The following ATP2C1 variants were observed in gnomAD, a reference collection of about 807,000 sequenced individuals.
ATP2C1 encodes ATPase secretory pathway Ca2+ transporting 1.
ATP2C1 carries 31 observed loss-of-function variants against 120.5 expected under a neutral mutation model. The observed-to-expected ratio is 0.26, with a 90% CI of 0.19 to 0.35. The LOEUF (loss-of-function observed/expected upper bound fraction) is 0.35, where lower values mean the gene tolerates loss of function less well. Ranked by LOEUF, ATP2C1 falls within the 10% of genes least tolerant of loss-of-function variation. The pLI, the probability that ATP2C1 is intolerant of heterozygous loss-of-function variation, is 1.00. For synonymous variants in ATP2C1, 351 were observed against 358.7 expected (o/e 0.98, Z 0.24); for missense variants, 731 against 1,107.5 (o/e 0.66, Z 4.83).
At chr3:130,951,515 G>T (rs1408306274) in intron 8 of ATP2C1, among the ~76,000 whole-genome samples, 1 of 152,154 alleles carries the variant, frequency 6.6e-6, no homozygotes, top group African/African-American at 2.4e-5. Flanking sequence ...TATCTTTGAA[G>T]AAGGGCCCAT....
intron 1 of ATP2C1, among the ~76,000 whole-genome samples, chr3:130,880,476 C>T (rs1410702815): frequency 6.6e-6 from 1 of 152,106 alleles, no homozygotes; most frequent in East Asian, 1.9e-4. Context: ...GCATTACCTT[C>T]TATAATCAAG....
At chr3:130,918,251 C>A (rs2058774608) in intron 2 of ATP2C1, 1 of 1,515,116 alleles carries the variant, frequency 6.6e-7, no homozygotes. Flanking sequence ...CTCTCCTTGG[C>A]CATAGCCAAA....
intron 2 of ATP2C1, among the ~76,000 whole-genome samples, chr3:130,928,568 T>C (rs2059318622): frequency 6.6e-6 from 1 of 152,228 alleles, no homozygotes; most frequent in Non-Finnish European, 1.5e-5. Flanking sequence ...TAAACATTAA[T>C]AGGAAATTAT....
intron 19 of ATP2C1, 121 bp from the exon 20 acceptor site, chr3:130,980,461 G>C (rs1397338944): frequency 2.8e-6 from 2 of 713,174 alleles, no homozygotes; most frequent in Non-Finnish European, 5.2e-6. Context: ...AGATAGGTTT[G>C]TATTACTGGT....
At chr3:130,897,530 G>A (rs1316239476) in intron 2 of ATP2C1, among the ~76,000 whole-genome samples, 1 of 152,172 alleles carries the variant, frequency 6.6e-6, no homozygotes, top group African/African-American at 2.4e-5. Context: ...TCCTCCAGTA[G>A]GTATGCAGGT....
intron 8 of ATP2C1, among the ~76,000 whole-genome samples, chr3:130,944,145 C>G (rs116816737): frequency 1.3e-5 from 2 of 152,314 alleles, no homozygotes; most frequent in South Asian, 4.1e-4. Flanking sequence ...AGTTAGTTCT[C>G]TTACAGACTA....
chr3:130,933,524 A>G (rs1008731639), intron 4 of ATP2C1, among the ~76,000 whole-genome samples: 1 of 152,218 alleles, frequency 6.6e-6, no homozygotes, highest in Non-Finnish European at 1.5e-5. Flanking sequence ...AAGGTGACAC[A>G]CAGATGCCAG....
intron 12 of ATP2C1, among the ~76,000 whole-genome samples, chr3:130,961,671 TAAAAG>T (rs1213020241): frequency 2.0e-5 from 3 of 152,176 alleles, no homozygotes; most frequent in South Asian, 2.1e-4. Flanking sequence ...TAAGAAGGTG[TAAAAG>T]AAGTCTAAAG....
chr3:130,851,906 C>A (rs1315211668), intron 1 of ATP2C1, among the ~76,000 whole-genome samples: 1 of 152,194 alleles, frequency 6.6e-6, no homozygotes, highest in Non-Finnish European at 1.5e-5. Context: ...CTTAATAAAA[C>A]ACTTCCAGGA....
intron 1 of ATP2C1, among the ~76,000 whole-genome samples, chr3:130,885,230 A>G (rs1002877088): frequency 3.3e-5 from 5 of 152,064 alleles, no homozygotes; most frequent in African/African-American, 1.2e-4. Context: ...CACCACGCAC[A>G]GCCGGTGAAG....
chr3:130,992,671 C>T (rs1388329246), intron 20 of ATP2C1, among the ~76,000 whole-genome samples: 3 of 152,156 alleles, frequency 2.0e-5, no homozygotes, highest in Non-Finnish European at 4.4e-5. Flanking sequence ...TGGAACATTT[C>T]AAGAATAAGG....
Position 130,937,408 on chromosome 3 carries a change from A to C in ATP2C1, c.325-20A>C. ...TTCTCAAGTTAATGTCTGATTTAAA[A>C]GCCTGTTTCTTTTGTTTAGGCAATA... On this transcript the variant is annotated intron_variant, in intron 5 of 27. Coordinates refer to ENST00000510168, the MANE Select transcript of ATP2C1 (RefSeq NM_001378687.1). 1 of 1,610,054 alleles carries C rather than the reference A, an allele frequency of 6.2e-7. No individual in the cohort carries two copies.
Position 131,001,736 on chromosome 3 carries a change from T to C in ATP2C1, c.*386T>C, listed in dbSNP as rs751530243. 25 of 976,960 alleles carry C rather than the reference T, an allele frequency of 2.6e-5. No homozygotes were observed. Among genetic ancestry groups the C allele is most frequent in the Admixed American group, 1.8e-4 (3 of 16,314 alleles). The allele number at this position is 976,960 out of a possible 1,614,324, so 60.5% of individuals were successfully genotyped here. A position where few individuals can be genotyped will look rare whatever the true frequency, so the allele number is the denominator to read the frequency against. ...ATTGTACTATTTATGGTGGTGGGGC[T>C]TTCTTACTAATACACAAATAAATTT... On this transcript the variant is annotated 3_prime_UTR_variant, in exon 28 of 28. Coordinates refer to ENST00000510168, the MANE Select transcript of ATP2C1 (RefSeq NM_001378687.1).
At chr3:130,965,105 T>C (rs2060994500) in intron 14 of ATP2C1, 60 bp downstream of exon 14, 1 of 1,121,012 alleles carries the variant, frequency 8.9e-7, no homozygotes. Context: ...ACTTGGTGTT[T>C]AACATTCCTA....
chr3:130,970,569 T>A (rs1397344620), intron 17 of ATP2C1, among the ~76,000 whole-genome samples: 1 of 152,020 alleles, frequency 6.6e-6, no homozygotes, highest in African/African-American at 2.4e-5. Flanking sequence ...ATTTTGCTAA[T>A]TTTTTGTAGA....
At chr3:130,858,177 G>T (rs1194921038) in intron 1 of ATP2C1, among the ~76,000 whole-genome samples, 3 of 152,076 alleles carry the variant, frequency 2.0e-5, no homozygotes, top group African/African-American at 7.2e-5. Context: ...GGGTGGGTCT[G>T]CCTCTCCCTG....
intron 17 of ATP2C1, among the ~76,000 whole-genome samples, chr3:130,973,810 C>T (rs2061431877): frequency 6.6e-6 from 1 of 152,014 alleles, no homozygotes; most frequent in African/African-American, 2.4e-5. Flanking sequence ...GATAATAGAG[C>T]AAAGCCTTCA....
At chr3:130,967,095 A>G (rs952758158) in intron 14 of ATP2C1, 50 bp from the exon 15 acceptor site, 1 of 1,406,144 alleles carries the variant, frequency 7.1e-7, no homozygotes, top group Non-Finnish European at 1.0e-6. Flanking sequence ...TCTTGTCACC[A>G]CCAAGTGTTT....
upstream of ATP2C1, among the ~76,000 whole-genome samples, chr3:130,893,195 C>A (rs2069251199): frequency 6.6e-6 from 1 of 152,130 alleles, no homozygotes; most frequent in African/African-American, 2.4e-5. Flanking sequence ...AGATGCCGAG[C>A]AAGTGAAATG....
Sources: gnomAD v4.1 joint callset for allele counts (sites outside exome capture counted in the v4.1 genomes callset) on GRCh38, gnomAD v4.1.1 for gene constraint, MANE v1.5 for transcripts, NCBI Gene and HGNC (gene_info 2026-07-23, HGNC 2026-07-21) for gene names.